The following PHLDB2 variants were observed in gnomAD, a reference collection of about 807,000 sequenced individuals.
The protein encoded by PHLDB2 is pleckstrin homology-like domain family B member 2.
Under a neutral mutation model 123.6 loss-of-function variants are expected in PHLDB2, and 71 were observed. The ratio of observed to expected loss-of-function variants is 0.57; its 90% CI spans 0.47 to 0.70. The LOEUF is 0.70. Ranked by LOEUF, PHLDB2 falls within the 30% of genes least tolerant of loss-of-function variation. PHLDB2 has a pLI of 0.00. For missense variants in PHLDB2, 1,446 were observed against 1,519.5 expected (o/e 0.95, Z 0.80); for synonymous variants, 547 against 541.6 (o/e 1.01, Z -0.14).
intron 1 of PHLDB2, among the ~76,000 whole-genome samples, chr3:111,815,377 T>G (rs566151294): frequency 2.6e-5 from 4 of 152,228 alleles, no homozygotes; most frequent in African/African-American, 7.2e-5. Context: ...GTGGGAAAGT[T>G]TGGAACTCCC....
intron 1 of PHLDB2, among the ~76,000 whole-genome samples, chr3:111,820,336 G>T (rs1023281551): frequency 6.6e-6 from 1 of 152,086 alleles, no homozygotes; most frequent in Non-Finnish European, 1.5e-5. Context: ...TTCCAAAATT[G>T]ATTTTAAAAA....
intron 1 of PHLDB2, among the ~76,000 whole-genome samples, chr3:111,756,883 T>G (rs950060161): frequency 5.3e-5 from 8 of 151,392 alleles, no homozygotes; most frequent in South Asian, 2.1e-4. Context: ...GTCTGTAAAG[T>G]ATTTTATTTC....
intron 2 of PHLDB2, among the ~76,000 whole-genome samples, chr3:111,909,488 T>C (rs915514531): frequency 6.6e-6 from 1 of 152,134 alleles, no homozygotes; most frequent in Admixed American, 6.5e-5. Flanking sequence ...TCCCCGCTAC[T>C]CTGGAGGCTG....
Position 111,966,632 on chromosome 3 carries a change from G to T in PHLDB2, c.3097G>T (p.Ala1033Ser). 6.2e-7 allele frequency: 1 copy of T among 1,612,544 alleles called. No homozygotes were observed. Among genetic ancestry groups the T allele is most frequent in the Non-Finnish European group, 8.5e-7 (1 of 1,179,152 alleles). The change falls in exon 14 of 18, where the codon GCT becomes TCT. Residue 1033 changes from alanine to serine, a missense_variant. By Grantham distance (99) the Ala-to-Ser change is moderately conservative. Transcript: ENST00000431670. ...ATTCAGTGCCAGCACTTCAAATATT[G>T]CTAGAATAGAAGAAATGGAGAGACT... The part of the protein sequence containing the change: ...NISSASTSNI[A>S]RIEEMERLLK...
intron 6 of PHLDB2, among the ~76,000 whole-genome samples, chr3:111,935,459 G>T (rs1237877587): frequency 1.3e-5 from 2 of 151,850 alleles, no homozygotes; most frequent in African/African-American, 2.4e-5. Flanking sequence ...ATTAGTCAGG[G>T]TTCTCTAGAG....
intron 1 of PHLDB2, among the ~76,000 whole-genome samples, chr3:111,794,225 A>G (rs2061049775): frequency 6.6e-6 from 1 of 151,068 alleles, no homozygotes; most frequent in Admixed American, 6.6e-5. Context: ...TGCTCCCTCC[A>G]TGGACACTTG....
At chr3:111,940,346 A>G (rs959007371) in intron 7 of PHLDB2, among the ~76,000 whole-genome samples, 189 bp from the exon 8 acceptor site, 3 of 152,214 alleles carry the variant, frequency 2.0e-5, no homozygotes, top group African/African-American at 7.2e-5. Flanking sequence ...TTCAGTAAAG[A>G]AAGTATTGAG....
chr3:111,930,531 A>G (rs2069081710), intron 5 of PHLDB2, among the ~76,000 whole-genome samples: 1 of 152,176 alleles, frequency 6.6e-6, no homozygotes, highest in South Asian at 2.1e-4. Context: ...AAATAGGGCA[A>G]TCTTTGATGC....
chr3:111,781,921 A>G (rs1425655043), intron 1 of PHLDB2, among the ~76,000 whole-genome samples: 1 of 152,078 alleles, frequency 6.6e-6, no homozygotes, highest in Non-Finnish European at 1.5e-5. Context: ...TGTAAACAGA[A>G]GCAGTATTGC....
At chr3:111,820,315 A>G (rs1286252930) in intron 1 of PHLDB2, among the ~76,000 whole-genome samples, 1 of 152,228 alleles carries the variant, frequency 6.6e-6, no homozygotes, top group African/African-American at 2.4e-5. Context: ...GGTTAAAGAA[A>G]TGTTTTTTTC....
chr3:111,958,536 T>C (rs1228678219), intron 12 of PHLDB2, among the ~76,000 whole-genome samples: 1 of 152,130 alleles, frequency 6.6e-6, no homozygotes, highest in Admixed American at 6.6e-5. Context: ...ATAATAATAA[T>C]AAATGGGCCT....
At chr3:111,841,296 G>T (rs1418282172) in intron 1 of PHLDB2, among the ~76,000 whole-genome samples, 2 of 152,106 alleles carry the variant, frequency 1.3e-5, no homozygotes, top group East Asian at 3.9e-4. Context: ...TAGAGAAGGG[G>T]TTTGAATTTA....
chr3:111,809,921 A>G (rs554102736), intron 1 of PHLDB2, among the ~76,000 whole-genome samples: 1 of 152,282 alleles, frequency 6.6e-6, no homozygotes, highest in African/African-American at 2.4e-5. Flanking sequence ...TGTACAACCT[A>G]TAGTTAGGAA....
At chr3:111,812,834 A>C (rs1355098687) in intron 1 of PHLDB2, among the ~76,000 whole-genome samples, 1 of 152,184 alleles carries the variant, frequency 6.6e-6, no homozygotes, top group African/African-American at 2.4e-5. Flanking sequence ...AAGGGTAGAG[A>C]GAGTGGAGAC....
intron 1 of PHLDB2, chr3:111,732,826 G>T (rs1459522761): frequency 1.1e-5 from 8 of 730,940 alleles, no homozygotes; most frequent in East Asian, 8.3e-5. Context: ...CCGGGTGTGT[G>T]TCTGAATTCA....
At chr3:111,895,645 C>T (rs1002015957) in intron 2 of PHLDB2, among the ~76,000 whole-genome samples, 3 of 152,032 alleles carry the variant, frequency 2.0e-5, no homozygotes, top group Non-Finnish European at 4.4e-5. Context: ...GTCAGGAGTT[C>T]GAGACCACCC....
intron 1 of PHLDB2, among the ~76,000 whole-genome samples, chr3:111,760,365 G>T (rs1010602376): frequency 2.6e-5 from 4 of 152,098 alleles, no homozygotes; most frequent in African/African-American, 7.2e-5. Context: ...ATGCATCTTT[G>T]TTGAGATAAA....
Position 111,749,942 on chromosome 3 carries a change from T to G in PHLDB2, c.-49+17239T>G, listed in dbSNP as rs974529139. Among the ~76,000 whole-genome samples, 3 of 152,210 alleles carry G rather than the reference T, an allele frequency of 2.0e-5. No homozygotes were observed. In the South Asian group the frequency reaches 6.2e-4, roughly 32 times the overall value. Reference sequence around the variant, plus strand: ...GCATGAGTCCCAGTTTGGGAACTCTTGTCCATTACACGTTTCCTTGCAGAG... The same window carrying G: ...GCATGAGTCCCAGTTTGGGAACTCTGGTCCATTACACGTTTCCTTGCAGAG... On this transcript the variant is annotated intron_variant, in intron 1 of 17. Transcript: ENST00000393923.
intron 1 of PHLDB2, among the ~76,000 whole-genome samples, chr3:111,771,109 G>C (rs1012976117): frequency 4.6e-5 from 7 of 152,210 alleles, no homozygotes; most frequent in Non-Finnish European, 1.0e-4. Flanking sequence ...GCAATCATGG[G>C]TTTTGAGAAA....
Sources: gnomAD v4.1 joint callset for allele counts (sites outside exome capture counted in the v4.1 genomes callset) on GRCh38, gnomAD v4.1.1 for gene constraint, MANE v1.5 for transcripts, NCBI Gene and HGNC (gene_info 2026-07-23, HGNC 2026-07-21) for gene names.